NCOR1: variants seen among roughly 807,000 people sequenced by gnomAD.
NCOR1 encodes the protein protein phosphatase 1, regulatory subunit 109.
NCOR1 carries 63 observed loss-of-function variants against 288.1 expected under a neutral mutation model. The ratio of observed to expected loss-of-function variants is 0.22; its 90% CI spans 0.18 to 0.27. NCOR1 has a LOEUF of 0.27. Among genes scored for constraint, NCOR1 ranks in the 10% least tolerant of loss-of-function variants. The pLI, the probability that NCOR1 is intolerant of heterozygous loss-of-function variation, is 1.00. For missense variants in NCOR1, 2,397 were observed against 3,019.2 expected (o/e 0.79, Z 4.83); for synonymous variants, 1,007 against 1,065.9 (o/e 0.94, Z 1.08).
rs772605440 is a variant in NCOR1, at chr17:16,065,553, C to T, written c.4883G>A (p.Arg1628His). ...ITSQQMQVNL[R>H]PDVARGLSPR... Reference sequence around the variant, plus strand: ...GGAGAGTCCTCTGGCCACATCTGGACGCAAGTTCACTTGCATCTGTTGTGA... The same window carrying T: ...GGAGAGTCCTCTGGCCACATCTGGATGCAAGTTCACTTGCATCTGTTGTGA... Residue 1628 changes from arginine (R) to histidine (H), a missense_variant, in exon 33 of 46, where the codon CGT becomes CAT. Physicochemically the swap from Arg to His is conservative, Grantham distance 29. Around this residue, in one of 11 missense-constraint regions of NCOR1, gnomAD observed 1,872 missense variants for 2,187.8 expected, o/e 0.86. Transcript: ENST00000268712. The T allele has an allele frequency of 3.8e-5, 61 of 1,614,028 alleles. No individual in the cohort carries two copies. Among genetic ancestry groups the T allele is most frequent in the Non-Finnish European group, 4.5e-5 (53 of 1,180,036 alleles).
At chr17:16,140,597 T>G (rs2077007506) in intron 11 of NCOR1, among the ~76,000 whole-genome samples, 2 of 152,214 alleles carry the variant, frequency 1.3e-5, no homozygotes, top group South Asian at 4.1e-4. Context: ...GTGGATCACC[T>G]GAGGTCAGGA....
At chr17:16,134,691 CCT>C (rs2076135882) in intron 14 of NCOR1, among the ~76,000 whole-genome samples, 1 of 152,168 alleles carries the variant, frequency 6.6e-6, no homozygotes, top group Non-Finnish European at 1.5e-5. Context: ...AGAGCTCTCT[CCT>C]CTATCATCAT....
At chr17:16,170,749 T>C (rs946453619) in intron 4 of NCOR1, among the ~76,000 whole-genome samples, 4 of 151,080 alleles carry the variant, frequency 2.6e-5, no homozygotes, top group Non-Finnish European at 5.9e-5. Context: ...GCAGGAAAAT[T>C]GCTTGAACCA....
intron 21 of NCOR1, among the ~76,000 whole-genome samples, chr17:16,094,522 T>C (rs1050213548): frequency 9.9e-5 from 15 of 152,026 alleles, no homozygotes; most frequent in Non-Finnish European, 2.2e-4. Flanking sequence ...ATTGAGAGTG[T>C]TGGAGGTGTT....
chr17:16,054,086 A>C (rs2059635102), intron 40 of NCOR1, among the ~76,000 whole-genome samples: 1 of 150,480 alleles, frequency 6.6e-6, no homozygotes, highest in African/African-American at 2.4e-5. Context: ...AAAAAAAAAA[A>C]AAAAAAACTA....
chr17:16,123,557 T>G (rs1359907252), intron 15 of NCOR1, among the ~76,000 whole-genome samples: 2 of 152,240 alleles, frequency 1.3e-5, no homozygotes, highest in Non-Finnish European at 2.9e-5. Flanking sequence ...GCCTCCTGAA[T>G]GAAGTCTACC....
intron 2 of NCOR1, among the ~76,000 whole-genome samples, chr17:16,193,851 A>G (rs1199462947): frequency 5.9e-5 from 9 of 151,976 alleles, no homozygotes; most frequent in Non-Finnish European, 1.0e-4. Context: ...CTGATGACAA[A>G]TCTGCTTTCT....
chr17:16,057,828 ATTTC>A (rs1384027863), intron 39 of NCOR1, 75 bp downstream of exon 39: 3 of 1,482,840 alleles, frequency 2.0e-6, no homozygotes, highest in African/African-American at 1.4e-5. Context: ...TTTATTATAA[ATTTC>A]TTTTTCTATA....
At chr17:16,059,311 G>A (rs1269934389) in intron 37 of NCOR1, among the ~76,000 whole-genome samples, 1 of 152,112 alleles carries the variant, frequency 6.6e-6, no homozygotes, top group Non-Finnish European at 1.5e-5. Flanking sequence ...CCACCATGAT[G>A]ATTTTAAAGC....
chr17:16,211,645 G>A (rs979668361), intron 1 of NCOR1, among the ~76,000 whole-genome samples: 13 of 152,038 alleles, frequency 8.6e-5, no homozygotes, highest in African/African-American at 2.7e-4. Flanking sequence ...AGGAACATTC[G>A]CAGTGTTTCA....
At chr17:16,142,701 A>T (rs185220141) in intron 11 of NCOR1, among the ~76,000 whole-genome samples, 1 of 152,354 alleles carries the variant, frequency 6.6e-6, no homozygotes, top group African/African-American at 2.4e-5. Flanking sequence ...CAGAAAGAGA[A>T]GCACAATAGA....
intron 45 of NCOR1, among the ~76,000 whole-genome samples, chr17:16,033,511 T>C (rs1972941385): frequency 6.6e-6 from 1 of 152,154 alleles, no homozygotes; most frequent in African/African-American, 2.4e-5. Context: ...ATGAGTTTTA[T>C]AATGCAAAAG....
chr17:16,148,795 C>T lies in NCOR1; in HGVS notation c.909+656G>A, dbSNP rs1599447099. ...CTGCTGACTCTTGAGCTTTACAACT[C>T]AAACTGTCAGGTCATTAACTTTAGG... On this transcript the variant is annotated intron_variant, in intron 9 of 45. Coordinates refer to ENST00000268712, the MANE Select transcript of NCOR1 (RefSeq NM_006311.4). Among the ~76,000 whole-genome samples, 6 of 151,244 alleles carry T rather than the reference C, an allele frequency of 4.0e-5. No individual in the cohort carries two copies. The South Asian group carries it at 6.3e-4, about 16-fold the overall frequency.
At chr17:16,058,406 A>G in intron 38 of NCOR1, 65 bp downstream of exon 38, 1 of 1,580,946 alleles carries the variant, frequency 6.3e-7, no homozygotes, top group Non-Finnish European at 8.6e-7. Flanking sequence ...GTCTAGACAG[A>G]TAATTAGAAG....
At chr17:16,188,310 AC>A (rs953200314) in intron 2 of NCOR1, among the ~76,000 whole-genome samples, 163 of 152,296 alleles carry the variant, frequency 1.1e-3, no homozygotes, top group African/African-American at 3.8e-3. Flanking sequence ...ACATAAAAAA[AC>A]CATTTAAAAA....
intron 14 of NCOR1, among the ~76,000 whole-genome samples, chr17:16,134,710 C>A (rs1289730129): frequency 6.6e-6 from 1 of 152,204 alleles, no homozygotes; most frequent in Non-Finnish European, 1.5e-5. Flanking sequence ...TCATGGGCAA[C>A]TGGCTGCTAA....
chr17:16,075,588 A>T lies in NCOR1; in HGVS notation c.3616T>A (p.Ser1206Thr), dbSNP rs763866633. The change falls in exon 27 of 46, where the codon TCC becomes ACC. Residue 1206 changes from serine to threonine, a missense_variant. Physicochemically the swap from Ser to Thr is moderately conservative, Grantham distance 58 (BLOSUM62 1). Transcript: ENST00000268712. ...SPEKGREEAA[S>T]KGHVIYEGKS... The stretch of plus-strand genomic sequence containing the variant: ...CCTTCATAAATAACATGGCCTTTGG[A>T]TGCAGCTTCCTCTCTGCCTTTCTCA... 6.2e-7 allele frequency: 1 copy of T among 1,614,228 alleles called. No homozygotes were observed. Among genetic ancestry groups the T allele is most frequent in the Non-Finnish European group, 8.5e-7 (1 of 1,180,036 alleles).
rs1242322838 is a variant in NCOR1, at chr17:16,101,408, T to C, written c.2532A>G (p.Arg844=). 6.2e-7 allele frequency: 1 copy of C among 1,614,122 alleles called. No homozygotes were observed. Among genetic ancestry groups the C allele is most frequent in the Non-Finnish European group, 8.5e-7 (1 of 1,180,062 alleles). The change falls in exon 20 of 46, where the codon AGA becomes AGG. Residue 844 remains arginine, a synonymous_variant. Transcript: ENST00000268712. ...CCTTCTCACTGGCTCTATCCAAGTCTCTTTCTTTGGTATTATCACCTTCAA... is the reference window on the plus strand; with the variant it reads ...CCTTCTCACTGGCTCTATCCAAGTCCCTTTCTTTGGTATTATCACCTTCAA... ...SKVEGDNTKE[R]DLDRASEKVE... is the part of the protein sequence containing the mutation.
At position 16,114,439 on chromosome 17, in the gene NCOR1, T is replaced by C. The variant is rs139859933; in HGVS notation, c.2055+3449A>G. On this transcript the variant is annotated intron_variant, in intron 18 of 45. Coordinates refer to ENST00000268712, the MANE Select transcript of NCOR1 (RefSeq NM_006311.4). Reference sequence around the variant, plus strand: ...ATGCCTTCCCAACAGTCCTCCAAAGTCTTCACTAATTTCAGCATTAACCCA... The same window carrying C: ...ATGCCTTCCCAACAGTCCTCCAAAGCCTTCACTAATTTCAGCATTAACCCA... 6.7e-3 allele frequency among the ~76,000 whole-genome samples: 1,015 copies of C among 152,210 alleles called. 6 individuals are homozygous for C. Among genetic ancestry groups the C allele is most frequent in the Middle Eastern group, 0.02 (6 of 294 alleles).
Sources: allele counts gnomAD v4.1 joint callset (sites outside exome capture counted in the v4.1 genomes callset), GRCh38; gene constraint gnomAD v4.1.1; regional missense constraint gnomAD v4.1.1; transcripts MANE v1.5; gene names NCBI Gene and HGNC (gene_info 2026-07-23, HGNC 2026-07-21).